The following GRAMD2B variants were observed in gnomAD, a reference collection of about 807,000 sequenced individuals.
The protein encoded by GRAMD2B is GRAM domain-containing protein 2B.
In GRAMD2B, 41 loss-of-function variants were observed where a neutral mutation model predicts 59.2. That is an observed-to-expected ratio of 0.69 (90% CI 0.54 to 0.90). GRAMD2B has a LOEUF of 0.90. GRAMD2B is among the 40% of genes least tolerant of loss of function. GRAMD2B has a pLI of 0.00. For missense variants in GRAMD2B, 424 were observed against 500.5 expected, an observed-to-expected ratio of 0.85 and a Z score of 1.46; for synonymous variants, 161 against 182.7, an observed-to-expected ratio of 0.88 and a Z score of 0.96.
At position 126,446,724 on chromosome 5, in the gene GRAMD2B, G is replaced by A. The variant is rs115022643; in HGVS notation, c.84-18702G>A. Among the ~76,000 whole-genome samples, 703 of 151,758 alleles carry A rather than the reference G, an allele frequency of 4.6e-3. 7 individuals carry two copies. Among genetic ancestry groups the A allele is most frequent in the African/African-American group, 0.016 (664 of 41,340 alleles). ...AGGGAGGAGGATTTGGTGTGGAGGC[G>A]AGGAAACTGGGGCCCTTACTAAGAC... On this transcript the variant is annotated intron_variant, in intron 1 of 13. Coordinates refer to ENST00000285689, the MANE Select transcript of GRAMD2B (RefSeq NM_023927.4).
At chr5:126,360,273 T>C (rs1007480022) in exon 1 of GRAMD2B, 2 of 1,543,038 alleles carry the variant, frequency 1.3e-6, no homozygotes, top group African/African-American at 2.7e-5. Context: ...CTGGTGTAAA[T>C]ACAAAGTTCC....
intron 1 of GRAMD2B, among the ~76,000 whole-genome samples, chr5:126,361,419 A>G (rs2149681713): frequency 6.6e-6 from 1 of 151,266 alleles, no homozygotes; most frequent in South Asian, 2.1e-4. Flanking sequence ...CTCTGCTGCC[A>G]TTTAACTGAA....
At chr5:126,443,505 A>G (rs1763648612) in intron 1 of GRAMD2B, among the ~76,000 whole-genome samples, 2 of 152,348 alleles carry the variant, frequency 1.3e-5, no homozygotes, top group African/African-American at 4.8e-5. Context: ...CCCTGCAGAC[A>G]AAACCCTGAG....
intron 1 of GRAMD2B, among the ~76,000 whole-genome samples, chr5:126,439,328 C>CT (rs930960414): frequency 0.028 from 3,376 of 122,454 alleles, 220 homozygotes; most frequent in African/African-American, 0.076. Context: ...TTTGGTTTTG[C>CT]TTTTTTTTTT....
intron 1 of GRAMD2B, among the ~76,000 whole-genome samples, chr5:126,425,637 A>C (rs751293858): frequency 6.6e-6 from 1 of 152,066 alleles, no homozygotes; most frequent in Non-Finnish European, 1.5e-5. Context: ...ATGATGGCGC[A>C]CACCTGTGGT....
intron 1 of GRAMD2B, among the ~76,000 whole-genome samples, chr5:126,441,783 G>T (rs1038705862): frequency 3.3e-5 from 5 of 152,110 alleles, no homozygotes; most frequent in Non-Finnish European, 5.9e-5. Flanking sequence ...ATAGGAACCA[G>T]CTCGTTAGAG....
rs1349709701 is a variant in GRAMD2B at position 126,488,787 on chromosome 5, T to C, written c.1164-12T>C. On this transcript the variant is annotated splice_polypyrimidine_tract_variant and intron_variant, in intron 12 of 13. Coordinates refer to ENST00000285689, the MANE Select transcript of GRAMD2B (RefSeq NM_023927.4). The stretch of plus-strand genomic sequence containing the variant: ...TCCCTGCCCATAATAATTTTTCTCT[T>C]TTTTCTTACAGACAGGCAGCACCAT... 1.2e-6 allele frequency: 2 copies of C among 1,604,836 alleles called. No homozygotes were observed. Among genetic ancestry groups the C allele is most frequent in the Admixed American group, 3.4e-5 (2 of 59,622 alleles).
At chr5:126,430,901 C>T (rs1761458134) in intron 1 of GRAMD2B, among the ~76,000 whole-genome samples, 1 of 152,022 alleles carries the variant, frequency 6.6e-6, no homozygotes, top group Non-Finnish European at 1.5e-5. Context: ...TTGTTTATGA[C>T]CTCTTAAAAT....
At chr5:126,385,422 A>G (rs1320411435) in intron 1 of GRAMD2B, among the ~76,000 whole-genome samples, 5 of 152,252 alleles carry the variant, frequency 3.3e-5, no homozygotes, top group Non-Finnish European at 5.9e-5. Flanking sequence ...AGTTAATTTT[A>G]GCTTAATTTC....
rs116204893 is a variant in GRAMD2B at position 126,397,741 on chromosome 5, A to G, written c.125+26174A>G. Among the ~76,000 whole-genome samples the G allele has an allele frequency of 4.1e-3, 619 of 152,246 alleles. 5 individuals carry two copies. The highest frequency in any genetic ancestry group is 0.014 in the African/African-American group (590 of 41,546). On this transcript the variant is annotated intron_variant, in intron 1 of 8. Transcript: ENST00000506445. Reference sequence around the variant, plus strand: ...AATAAATCCCACTTAATCATGATATATGGTCCTTTTAATGTACTATAAAAT... The same window carrying G: ...AATAAATCCCACTTAATCATGATATGTGGTCCTTTTAATGTACTATAAAAT...
intron 6 of GRAMD2B, among the ~76,000 whole-genome samples, chr5:126,479,831 ATTGT>A (rs1198265004): frequency 6.6e-6 from 1 of 152,196 alleles, no homozygotes; most frequent in African/African-American, 2.4e-5. Flanking sequence ...TTCTGAACAT[ATTGT>A]TTATGGTAAA....
intron 1 of GRAMD2B, among the ~76,000 whole-genome samples, chr5:126,401,101 C>T (rs1757796942): frequency 6.6e-6 from 1 of 151,916 alleles, no homozygotes; most frequent in Non-Finnish European, 1.5e-5. Flanking sequence ...TTATAAATCT[C>T]TTAGGCTTTC....
At chr5:126,371,447 T>C in exon 1 of GRAMD2B, 4 of 1,287,788 alleles carry the variant, frequency 3.1e-6, no homozygotes, top group Non-Finnish European at 4.0e-6. Context: ...CGCACAATGG[T>C]GAAGAAAAGG....
intron 1 of GRAMD2B, among the ~76,000 whole-genome samples, chr5:126,447,861 ATT>A (rs917771804): frequency 7.4e-6 from 1 of 135,486 alleles, no homozygotes; most frequent in Non-Finnish European, 1.6e-5. Context: ...CCCATTTATA[ATT>A]TTTTTTTTTT....
chr5:126,392,952 T>G (rs1427682437), intron 1 of GRAMD2B, among the ~76,000 whole-genome samples: 6 of 152,224 alleles, frequency 3.9e-5, no homozygotes, highest in African/African-American at 1.4e-4. Context: ...AGGTCATCTT[T>G]CTTACAGAAC....
rs529373584 is a variant in GRAMD2B at position 126,476,970 on chromosome 5, G to C, written c.487-722G>C. Among the ~76,000 whole-genome samples, 3 of 152,174 alleles carry C rather than the reference G, an allele frequency of 2.0e-5. No homozygotes were observed. In the East Asian group the frequency reaches 5.8e-4, roughly 29 times the overall value. On this transcript the variant is annotated intron_variant, in intron 5 of 13. Coordinates refer to ENST00000285689, the MANE Select transcript of GRAMD2B (RefSeq NM_023927.4). ...AGGCCTAGAACGGATAGCTTACAAGGGGGAGTAGGTCATGTAGATACAGGT... is the reference window on the plus strand; with the variant it reads ...AGGCCTAGAACGGATAGCTTACAAGCGGGAGTAGGTCATGTAGATACAGGT...
At chr5:126,453,423 A>G (rs1385772308) in intron 1 of GRAMD2B, among the ~76,000 whole-genome samples, 1 of 151,976 alleles carries the variant, frequency 6.6e-6, no homozygotes, top group African/African-American at 2.4e-5. Flanking sequence ...TAAAAAGGTT[A>G]TAGTCTAGTT....
chr5:126,409,427 T>C (rs1381828910), intron 1 of GRAMD2B, among the ~76,000 whole-genome samples: 5 of 152,234 alleles, frequency 3.3e-5, no homozygotes, highest in Non-Finnish European at 4.4e-5. Context: ...TTTGCATTTC[T>C]CTGATGGCCA....
At chr5:126,382,842 G>GAATCTGAACA (rs1580717710) in intron 1 of GRAMD2B, among the ~76,000 whole-genome samples, 1 of 152,110 alleles carries the variant, frequency 6.6e-6, no homozygotes, top group East Asian at 1.9e-4. Context: ...GAAGATCTGG[G>GAATCTGAACA]GCTCAAGGGC....
Sources: allele counts gnomAD v4.1 joint callset (sites outside exome capture counted in the v4.1 genomes callset), GRCh38; gene constraint gnomAD v4.1.1; transcripts MANE v1.5; gene names NCBI Gene and HGNC (gene_info 2026-07-23, HGNC 2026-07-21).